The following DHRSX variants were observed in gnomAD, a reference collection of about 807,000 sequenced individuals.
DHRSX encodes polyprenol dehydrogenase.
Under a neutral mutation model 34.0 loss-of-function variants are expected in DHRSX, and 31 were observed. The ratio of observed to expected loss-of-function variants is 0.91; its 90% CI spans 0.69 to 1.23. The LOEUF (loss-of-function observed/expected upper bound fraction) is 1.23, where lower values mean the gene tolerates loss of function less well. Ranked by LOEUF, DHRSX falls within the 50% of genes most tolerant of loss-of-function variation. The pLI is 0.00. For synonymous variants in DHRSX, 201 were observed against 183.8 expected (o/e 1.09, Z -0.76); for missense variants, 414 against 428.1 (o/e 0.97, Z 0.29).
intron 1 of DHRSX, among the ~76,000 whole-genome samples, chrX:2,438,011 A>AAG (rs1205362566): frequency 6.7e-6 from 1 of 150,330 alleles, no homozygotes; most frequent in African/African-American, 2.5e-5. Context: ...CCATGGGGAA[A>AAG]AAAAAAAAAC....
intron 4 of DHRSX, among the ~76,000 whole-genome samples, chrX:2,276,320 G>A (rs1255855547): frequency 1.3e-5 from 2 of 152,132 alleles, no homozygotes; most frequent in Non-Finnish European, 2.9e-5. Flanking sequence ...TCAGTGTATC[G>A]GGTGCCGTCC....
At chrX:2,318,926 G>A (rs144927175) in intron 3 of DHRSX, among the ~76,000 whole-genome samples, 4,404 of 151,998 alleles carry the variant, frequency 0.029, 216 homozygotes, top group African/African-American at 0.098. Flanking sequence ...AGTAAACAAC[G>A]CCTCATGTTT....
At chrX:2,347,938 A>AC (rs1177125741) in intron 3 of DHRSX, among the ~76,000 whole-genome samples, 1 of 151,856 alleles carries the variant, frequency 6.6e-6, no homozygotes, top group Non-Finnish European at 1.5e-5. Context: ...GGTAATGAAC[A>AC]CCCCCTACAT....
intron 3 of DHRSX, among the ~76,000 whole-genome samples, chrX:2,396,509 C>G (rs2043413043): frequency 6.6e-6 from 1 of 151,074 alleles, no homozygotes; most frequent in African/African-American, 2.4e-5. Flanking sequence ...TCCCGAGGAG[C>G]TGGGATGACA....
At chrX:2,233,254 T>C (rs1288117562) in intron 6 of DHRSX, among the ~76,000 whole-genome samples, 1 of 152,136 alleles carries the variant, frequency 6.6e-6, no homozygotes, top group African/African-American at 2.4e-5. Flanking sequence ...AATGATGAAG[T>C]GGGCTTGCTT....
At chrX:2,489,866 G>A in intron 1 of DHRSX, 1 of 1,613,800 alleles carries the variant, frequency 6.2e-7, no homozygotes, top group Non-Finnish European at 8.5e-7. Flanking sequence ...CATGTGCACT[G>A]CGACGTCCAG....
At chrX:2,490,463 A>G (rs754224750) in intron 1 of DHRSX, 1 of 1,613,960 alleles carries the variant, frequency 6.2e-7, no homozygotes. Flanking sequence ...GGCTTCACGC[A>G]TCTGCTCCGT....
chrX:2,283,965 CACTCATTCCTTTGA>C (rs1430948379), intron 4 of DHRSX, among the ~76,000 whole-genome samples: 3 of 146,900 alleles, frequency 2.0e-5, no homozygotes, highest in Non-Finnish European at 3.0e-5. Flanking sequence ...CCTTTGAATT[CACTCATTCCTTTGA>C]ATTCACTCAT....
intron 3 of DHRSX, among the ~76,000 whole-genome samples, chrX:2,341,481 C>A (rs1216245852): frequency 6.6e-6 from 1 of 152,068 alleles, no homozygotes; most frequent in Non-Finnish European, 1.5e-5. Context: ...CTCCACGTGG[C>A]CTTCTCCTCT....
At chrX:2,310,333 T>C (rs183702027) in intron 3 of DHRSX, among the ~76,000 whole-genome samples, 197 of 152,230 alleles carry the variant, frequency 1.3e-3, no homozygotes, top group Non-Finnish European at 2.3e-3. Flanking sequence ...GGAGGGCAGA[T>C]TGGTTGTCAC....
intron 3 of DHRSX, among the ~76,000 whole-genome samples, chrX:2,404,195 C>A (rs946812741): frequency 6.6e-6 from 1 of 152,074 alleles, no homozygotes; most frequent in Non-Finnish European, 1.5e-5. Flanking sequence ...AATGCAGATT[C>A]CAGGGCCCCG....
chrX:2,356,428 G>T (rs368627476), intron 3 of DHRSX, among the ~76,000 whole-genome samples: 155 of 152,146 alleles, frequency 1.0e-3, no homozygotes, highest in African/African-American at 3.6e-3. Context: ...CAGAGGGCAG[G>T]CTTGTGGAAG....
chrX:2,500,772 C>T, intron 1 of DHRSX, 45 bp downstream of exon 1: 1 of 999,774 alleles, frequency 1.0e-6, no homozygotes, highest in Non-Finnish European at 1.2e-6. Context: ...CAGCCCGCGC[C>T]CACCCGGGTC....
chrX:2,368,546 T>C (rs141413274), intron 3 of DHRSX, among the ~76,000 whole-genome samples: 2,019 of 152,064 alleles, frequency 0.013, 35 homozygotes, highest in East Asian at 0.058. Context: ...TTACGGGTAT[T>C]TACTCATTAA....
intron 4 of DHRSX, among the ~76,000 whole-genome samples, chrX:2,289,918 T>C (rs2041846686): frequency 6.6e-6 from 1 of 152,240 alleles, no homozygotes; most frequent in Non-Finnish European, 1.5e-5. Context: ...CAGGAGCCAC[T>C]AGCACTGATA....
At chrX:2,236,513 C>A (rs1378030422) in intron 6 of DHRSX, among the ~76,000 whole-genome samples, 1 of 152,080 alleles carries the variant, frequency 6.6e-6, no homozygotes, top group Non-Finnish European at 1.5e-5. Context: ...CTCACTGCAA[C>A]CTCCTGCTCC....
intron 3 of DHRSX, among the ~76,000 whole-genome samples, chrX:2,361,155 G>C (rs941908009): frequency 2.6e-5 from 4 of 152,248 alleles, no homozygotes; most frequent in African/African-American, 7.2e-5. Flanking sequence ...TCTGTCGCCA[G>C]GCTGGAGTGC....
chrX:2,290,902 T>A (rs1157333398), intron 4 of DHRSX, among the ~76,000 whole-genome samples: 1 of 152,024 alleles, frequency 6.6e-6, no homozygotes, highest in Non-Finnish European at 1.5e-5. Context: ...GGAGAAACAT[T>A]AAGTGTTGCA....
At chrX:2,222,662 G>A (rs1423595496) in intron 6 of DHRSX, among the ~76,000 whole-genome samples, 1 of 152,212 alleles carries the variant, frequency 6.6e-6, no homozygotes, top group African/African-American at 2.4e-5. Flanking sequence ...AGGACTGCTT[G>A]AGTCCAGGAG....
Sources: allele counts gnomAD v4.1 joint callset (sites outside exome capture counted in the v4.1 genomes callset), GRCh38; gene constraint gnomAD v4.1.1; transcripts MANE v1.5; gene names NCBI Gene and HGNC (gene_info 2026-07-23, HGNC 2026-07-21).